SVEP1: variants seen among roughly 807,000 people sequenced by gnomAD.
The protein encoded by SVEP1 is sushi, von Willebrand factor type A, EGF and pentraxin domain containing 1.
In SVEP1, 164 loss-of-function variants were observed where a neutral mutation model predicts 367.3. The observed-to-expected ratio is 0.45, with a 90% CI of 0.39 to 0.51. SVEP1 has a LOEUF of 0.51. SVEP1 is among the 20% of genes least tolerant of loss of function. The pLI, the probability that SVEP1 is intolerant of heterozygous loss-of-function variation, is 0.00. For missense variants in SVEP1, 4,117 were observed against 4,425.3 expected (o/e 0.93, Z 1.98); for synonymous variants, 1,666 against 1,611.6 (o/e 1.03, Z -0.81).
chr9:110,520,663 C>T (rs113821968), intron 3 of SVEP1, among the ~76,000 whole-genome samples: 10 of 152,198 alleles, frequency 6.6e-5, no homozygotes, highest in South Asian at 2.1e-4. Flanking sequence ...ATATCTTACC[C>T]GTTAAATATC....
At chr9:110,524,538 T>C (rs545691363) in intron 3 of SVEP1, among the ~76,000 whole-genome samples, 13 of 152,138 alleles carry the variant, frequency 8.5e-5, no homozygotes, top group African/African-American at 3.1e-4. Flanking sequence ...ATGTTAACAA[T>C]ATTAACAGGC....
At chr9:110,434,680 A>AAAAAAAG (rs1828406392) in intron 29 of SVEP1, among the ~76,000 whole-genome samples, 174 bp from the exon 30 acceptor site, 1 of 150,274 alleles carries the variant, frequency 6.7e-6, no homozygotes, top group African/African-American at 2.4e-5. Context: ...AAAAAAAAAA[A>AAAAAAAG]AAAAAAGCAT....
intron 36 of SVEP1, among the ~76,000 whole-genome samples, chr9:110,412,217 T>C (rs1039017856): frequency 3.3e-5 from 5 of 152,256 alleles, no homozygotes; most frequent in Non-Finnish European, 7.3e-5. Flanking sequence ...AACTTGATTT[T>C]GGCATTTGTC....
At chr9:110,560,208 T>C (rs1471980778) in intron 1 of SVEP1, among the ~76,000 whole-genome samples, 1 of 152,220 alleles carries the variant, frequency 6.6e-6, no homozygotes, top group Admixed American at 6.5e-5. Context: ...TACTGTAACA[T>C]ACTGTAAGGG....
intron 43 of SVEP1, among the ~76,000 whole-genome samples, chr9:110,385,017 T>G (rs965768848): frequency 6.6e-6 from 1 of 152,168 alleles, no homozygotes; most frequent in Non-Finnish European, 1.5e-5. Context: ...TTGCTCTGTC[T>G]CCCAGGCTGG....
At chr9:110,446,860 T>C in intron 25 of SVEP1, 40 bp downstream of exon 25, 3 of 1,440,856 alleles carry the variant, frequency 2.1e-6, no homozygotes, top group Non-Finnish European at 2.7e-6. Context: ...TATATTACTA[T>C]TGTTAGTATT....
At chr9:110,490,489 C>A (rs1266559268) in intron 8 of SVEP1, among the ~76,000 whole-genome samples, 1 of 152,116 alleles carries the variant, frequency 6.6e-6, no homozygotes, top group African/African-American at 2.4e-5. Context: ...CTCCCTCCCC[C>A]ACCTTTCTTG....
chr9:110,374,264 C>T (rs1304866104), intron 46 of SVEP1, among the ~76,000 whole-genome samples: 1 of 152,222 alleles, frequency 6.6e-6, no homozygotes, highest in Admixed American at 6.5e-5. Context: ...GTTTTTTGTT[C>T]CTTTTATAAG....
At chr9:110,369,253 G>C (rs1827242078) in intron 47 of SVEP1, among the ~76,000 whole-genome samples, 1 of 152,136 alleles carries the variant, frequency 6.6e-6, no homozygotes, top group South Asian at 2.1e-4. Context: ...GATCTTTTAA[G>C]TATTTTCCCT....
chr9:110,579,465 A>G lies in SVEP1; in HGVS notation c.79T>C (p.Ser27Pro), dbSNP rs908509506. ...GWATFQQMSPSRNFSFRLFPE... is the reference protein window; with the variant it reads ...GWATFQQMSPPRNFSFRLFPE... ...AAGAGGCGGAAGCTGAAATTGCGCG[A>G]CGGGGACATCTGCTGAAAGGTCGCC... The change falls in exon 1 of 48, where the codon TCG becomes CCG. Residue 27 changes from serine to proline, a missense_variant. Physicochemically the swap from Ser to Pro is moderately conservative, Grantham distance 74. Transcript: ENST00000374469. This position sits in a 1 kb window ranked among gnomAD's most constrained non-coding sequence, Gnocchi z 5.3. The G allele has an allele frequency of 2.1e-5, 33 of 1,602,822 alleles. No homozygotes were observed. The highest frequency in any genetic ancestry group is 2.8e-5 in the Non-Finnish European group (33 of 1,175,806).
chr9:110,544,052 G>A (rs1830187033), intron 3 of SVEP1, among the ~76,000 whole-genome samples: 2 of 151,968 alleles, frequency 1.3e-5, no homozygotes, highest in Admixed American at 6.6e-5. Context: ...CTGCCAGCTG[G>A]GATCAAGGCC....
chr9:110,554,631 C>T (rs1830333224), intron 1 of SVEP1, among the ~76,000 whole-genome samples: 1 of 151,646 alleles, frequency 6.6e-6, no homozygotes, highest in African/African-American at 2.4e-5. Flanking sequence ...CTCCTTCTGG[C>T]AAAATAAAGG....
intron 40 of SVEP1, among the ~76,000 whole-genome samples, chr9:110,390,434 C>T (rs1827637790): frequency 7.0e-6 from 1 of 142,490 alleles, no homozygotes; most frequent in African/African-American, 2.7e-5. Context: ...TCGATGACAC[C>T]CAACACTTAG....
At chr9:110,471,141 C>T (rs1829010517) in intron 16 of SVEP1, among the ~76,000 whole-genome samples, 1 of 152,142 alleles carries the variant, frequency 6.6e-6, no homozygotes, top group African/African-American at 2.4e-5. Context: ...GTCTAAAGAT[C>T]TTTAAATAAA....
chr9:110,562,063 A>AT (rs1477694539), intron 1 of SVEP1, among the ~76,000 whole-genome samples: 1 of 152,182 alleles, frequency 6.6e-6, no homozygotes, highest in African/African-American at 2.4e-5. Flanking sequence ...AAATGGACCC[A>AT]TAGGGACAGT....
intron 3 of SVEP1, among the ~76,000 whole-genome samples, chr9:110,545,293 T>C (rs565028844): frequency 2.0e-5 from 3 of 152,352 alleles, no homozygotes; most frequent in African/African-American, 2.4e-5. Flanking sequence ...AGTAGTGGGA[T>C]TGCTGGATCA....
chr9:110,451,511 G>A (rs1249152915), intron 22 of SVEP1, 109 bp from the exon 23 acceptor site: 3 of 666,268 alleles, frequency 4.5e-6, no homozygotes, highest in African/African-American at 3.6e-5. Flanking sequence ...TGGAAATCAT[G>A]GCTAACATGT....
At chr9:110,528,156 G>GTGTGTGTGTGTATATATATATATATATA in intron 3 of SVEP1, among the ~76,000 whole-genome samples, 1 of 33,950 alleles carries the variant, frequency 2.9e-5, no homozygotes, top group Non-Finnish European at 5.7e-5. Flanking sequence ...GTGTGTGTGT[G>GTGTGTGTGTGTATATATATATATATATA]TATATATATA....
In SVEP1 at chr9:110,385,998, A is replaced by T. The variant is rs1219185513; in HGVS notation, c.10137T>A (p.Asn3379Lys). Residue 3379 changes from asparagine to lysine, a missense_variant, in exon 43 of 48, where the codon AAT (asparagine) becomes AAA (lysine). Asn to Lys is a moderately conservative substitution (Grantham distance 94). Transcript: ENST00000374469. Reference sequence around the variant, plus strand: ...AACCTTCCCTACATTTGATGGACACATTCTGATCAACATAAAACTCCTTTT... The same window carrying T: ...AACCTTCCCTACATTTGATGGACACTTTCTGATCAACATAAAACTCCTTTT... ...LSEKEFYVDQ[N>K]VSIKCREGFL... 1 of 1,613,974 alleles carries T rather than the reference A, an allele frequency of 6.2e-7. No homozygotes were observed. The highest frequency in any genetic ancestry group is 1.7e-5 in the Admixed American group (1 of 60,016).
Sources: gnomAD v4.1 joint callset for allele counts (sites outside exome capture counted in the v4.1 genomes callset) on GRCh38, gnomAD v4.1.1 for gene constraint, Gnocchi (gnomAD v3.1) non-coding constraint, MANE v1.5 for transcripts, NCBI Gene and HGNC (gene_info 2026-07-23, HGNC 2026-07-21) for gene names.